TLCD4: variants seen among roughly 807,000 people sequenced by gnomAD.
The protein encoded by TLCD4 is TLC domain-containing protein 4.
In TLCD4, 7 loss-of-function variants were observed where a neutral mutation model predicts 24.2. That is an observed-to-expected ratio of 0.29 (90% confidence interval 0.16 to 0.54). The LOEUF (loss-of-function observed/expected upper bound fraction) is 0.54, where lower values mean the gene tolerates loss of function less well. TLCD4 is among the 20% of genes least tolerant of loss of function. The pLI is 0.95. For missense variants in TLCD4, 259 were observed against 313.9 expected, an observed-to-expected ratio of 0.82 and a Z score of 1.32; for synonymous variants, 103 against 106.4, an observed-to-expected ratio of 0.97 and a Z score of 0.20.
intron 5 of TLCD4, among the ~76,000 whole-genome samples, chr1:95,159,240 G>C (rs1242150750): frequency 6.6e-6 from 1 of 152,142 alleles, no homozygotes; most frequent in Non-Finnish European, 1.5e-5. Flanking sequence ...GTTTTGATTT[G>C]CATTTCTCTG....
At chr1:95,154,044 CAGAT>C (rs1167154470) in intron 5 of TLCD4, among the ~76,000 whole-genome samples, 1 of 152,066 alleles carries the variant, frequency 6.6e-6, no homozygotes, top group African/African-American at 2.4e-5. Context: ...TAGCTTTAGT[CAGAT>C]AGATATAAAA....
intron 6 of TLCD4, among the ~76,000 whole-genome samples, chr1:95,177,148 G>A (rs1318606717): frequency 5.9e-5 from 9 of 152,154 alleles, no homozygotes; most frequent in Admixed American, 5.2e-4. Flanking sequence ...TGCTCCATAT[G>A]CCTTCAGCCT....
chr1:95,129,465 G>A (rs1571726961), intron 1 of TLCD4, among the ~76,000 whole-genome samples: 2 of 152,134 alleles, frequency 1.3e-5, no homozygotes, highest in East Asian at 3.9e-4. Flanking sequence ...TAACAGGCCA[G>A]GCGCGGTAGC....
chr1:95,116,835 C>G (rs1023147860), upstream of TLCD4, among the ~76,000 whole-genome samples: 1 of 152,112 alleles, frequency 6.6e-6, no homozygotes, highest in Non-Finnish European at 1.5e-5. Context: ...GGAGGTGGTG[C>G]TGGAGAGAAC....
intron 1 of TLCD4, among the ~76,000 whole-genome samples, chr1:95,134,358 A>T (rs758129046): frequency 6.6e-6 from 1 of 152,152 alleles, no homozygotes; most frequent in African/African-American, 2.4e-5. Context: ...CAGGACCCTA[A>T]AAAGGATATG....
rs767801574 is a variant in TLCD4, at chr1:95,195,093, G to A, written c.*3225G>A. 2 of 152,180 alleles carry A rather than the reference G, an allele frequency of 1.3e-5. No homozygotes were observed. Among genetic ancestry groups the A allele is most frequent in the African/African-American group, 2.4e-5 (1 of 41,448 alleles). 9.4% of individuals were successfully genotyped at this position (152,180 alleles called of 1,614,324 possible). ...TCTAGTTTTAAAAACTGCCTAGTTT[G>A]TAAGTATTTGAATCCAGTTCTTTTC... On this transcript the variant is annotated 3_prime_UTR_variant, in exon 7 of 7. Coordinates refer to ENST00000370203, the MANE Select transcript of TLCD4 (RefSeq NM_152487.3).
chr1:95,095,140 T>C, the TLCD4 span, among the ~76,000 whole-genome samples: 1 of 152,230 alleles, frequency 6.6e-6, no homozygotes, highest in Admixed American at 6.5e-5. Flanking sequence ...GCTTAATAAA[T>C]GTCATGATTG....
the TLCD4 span, among the ~76,000 whole-genome samples, chr1:95,095,629 C>T: frequency 6.6e-6 from 1 of 152,056 alleles, no homozygotes; most frequent in Non-Finnish European, 1.5e-5. Flanking sequence ...AGTCTCCTGA[C>T]CTTGTGATCC....
At chr1:95,127,097 C>A (rs567504359) in intron 1 of TLCD4, among the ~76,000 whole-genome samples, 2 of 152,296 alleles carry the variant, frequency 1.3e-5, no homozygotes, top group African/African-American at 4.8e-5. Flanking sequence ...TTTTAAAGAA[C>A]CCGCAGGTCA....
intron 5 of TLCD4, among the ~76,000 whole-genome samples, chr1:95,158,033 G>C (rs1243037326): frequency 6.6e-6 from 1 of 152,052 alleles, no homozygotes; most frequent in East Asian, 1.9e-4. Context: ...GTATTTTCTT[G>C]CTGTGGTGGA....
At chr1:95,164,701 T>G (rs1463439275) in intron 5 of TLCD4, 2 of 152,206 alleles carry the variant, frequency 1.3e-5, no homozygotes, top group Non-Finnish European at 2.9e-5. Flanking sequence ...CTCTAACTCC[T>G]ACTTTGCTTC....
At chr1:95,167,628 G>A (rs1401966944) in intron 5 of TLCD4, among the ~76,000 whole-genome samples, 3 of 152,068 alleles carry the variant, frequency 2.0e-5, no homozygotes, top group South Asian at 4.2e-4. Flanking sequence ...GCATAAAACC[G>A]CTCGTGGCTT....
In TLCD4 at chr1:95,170,330, C is replaced by CTTT. The variant is rs10664436; in HGVS notation, c.400-3470_400-3468dup. On this transcript the variant is annotated intron_variant, in intron 5 of 6. Transcript: ENST00000370203. ...AGGGGTTATAATAATACAAATCATTCTTTTTTTTTTTTTTTTTTGAGAAGA... is the reference window on the plus strand; with the variant it reads ...AGGGGTTATAATAATACAAATCATTCTTTTTTTTTTTTTTTTTTTTTGAGAAGA... 1.6e-4 allele frequency among the ~76,000 whole-genome samples: 20 copies of CTTT among 126,616 alleles called. 1 individual carries two copies. Among genetic ancestry groups the CTTT allele is most frequent in the Non-Finnish European group, 2.9e-4 (18 of 61,838 alleles). 83.1% of individuals were successfully genotyped at this position (126,616 alleles called of 152,430 possible). A position where few individuals can be genotyped will look rare whatever the true frequency, so the allele number is the denominator to read the frequency against.
At chr1:95,147,624 A>G (rs1381304654) in intron 2 of TLCD4, among the ~76,000 whole-genome samples, 1 of 152,114 alleles carries the variant, frequency 6.6e-6, no homozygotes, top group Non-Finnish European at 1.5e-5. Flanking sequence ...TTACAATGAA[A>G]TTTTCTGATA....
chr1:95,150,398 TC>T, intron 4 of TLCD4, 132 bp downstream of exon 4: 2 of 1,098,992 alleles, frequency 1.8e-6, no homozygotes, highest in South Asian at 1.8e-5. Context: ...AAAAAATACC[TC>T]CCATGATGGT....
chr1:95,136,510 C>A lies in TLCD4; in HGVS notation c.-11-7381C>A, dbSNP rs1369678464. 2.6e-5 allele frequency among the ~76,000 whole-genome samples: 4 copies of A among 152,162 alleles called. No homozygotes were observed. In the East Asian group the frequency reaches 7.7e-4, roughly 29 times the overall value. ...GTTGTATGCAGCTTAAGTAAACATA[C>A]AAATATTTACAAAAAATATTTGCTA... On this transcript the variant is annotated intron_variant, in intron 1 of 6. Transcript: ENST00000370203.
upstream of TLCD4, among the ~76,000 whole-genome samples, chr1:95,115,409 T>C (rs1288506693): frequency 6.6e-6 from 1 of 152,132 alleles, no homozygotes; most frequent in Non-Finnish European, 1.5e-5. Flanking sequence ...CACCCAGCCA[T>C]GAACTGGATA....
chr1:95,130,144 C>T (rs1195492517), intron 1 of TLCD4, among the ~76,000 whole-genome samples: 1 of 151,772 alleles, frequency 6.6e-6, no homozygotes, highest in Non-Finnish European at 1.5e-5. Context: ...CATTCTTTTT[C>T]TTTATTTTAT....
intron 2 of TLCD4, among the ~76,000 whole-genome samples, chr1:95,146,655 T>C (rs1331034249): frequency 6.6e-6 from 1 of 152,108 alleles, no homozygotes; most frequent in Non-Finnish European, 1.5e-5. Context: ...TAATAAAATA[T>C]AAAATTTTTA....
Sources: gnomAD v4.1 joint callset for allele counts (sites outside exome capture counted in the v4.1 genomes callset) on GRCh38, gnomAD v4.1.1 for gene constraint, MANE v1.5 for transcripts, NCBI Gene and HGNC (gene_info 2026-07-23, HGNC 2026-07-21) for gene names.